The following DLG1 variants were observed in gnomAD, a reference collection of about 807,000 sequenced individuals.
DLG1 encodes the protein disks large homolog 1.
DLG1 carries 42 observed loss-of-function variants against 123.4 expected under a neutral mutation model. That is an observed-to-expected ratio of 0.34 (90% confidence interval 0.27 to 0.44). The LOEUF is 0.44. DLG1 is among the 20% of genes least tolerant of loss of function. DLG1 has a pLI of 1.00. For synonymous variants in DLG1, 317 were observed against 356.2 expected (o/e 0.89, Z 1.24); for missense variants, 942 against 1,082.6 (o/e 0.87, Z 1.82).
At chr3:197,051,780 G>C (rs1727910345) in intron 23 of DLG1, 112 bp from the exon 24 acceptor site, 2 of 715,824 alleles carry the variant, frequency 2.8e-6, no homozygotes, top group Admixed American at 5.8e-5. Flanking sequence ...GTTGAACTCT[G>C]CTGAAAATAT....
In DLG1 at chr3:197,043,995, G is replaced by C. The variant is rs1184985410; in HGVS notation, c.*628C>G. ...AAACATTGAAACGTTGTTATTCCTA[G>C]CAAATGTCCTGGGAAAAAAGAACCG... On this transcript the variant is annotated 3_prime_UTR_variant, in exon 25 of 25. Coordinates refer to ENST00000667157, the MANE Select transcript of DLG1 (RefSeq NM_001366207.1). 6.6e-6 allele frequency: 1 copy of C among 152,032 alleles called. No homozygotes were observed. The highest frequency in any genetic ancestry group is 1.5e-5 in the Non-Finnish European group (1 of 67,992). The allele number at this position is 152,032 out of a possible 1,614,324, so 9.4% of individuals were successfully genotyped here.
intron 22 of DLG1, among the ~76,000 whole-genome samples, chr3:197,061,766 G>A (rs1736000012): frequency 1.3e-5 from 2 of 151,962 alleles, no homozygotes. Context: ...ATATCTGGGA[G>A]GCGATATTAT....
In DLG1 at chr3:197,069,273, G is replaced by A; in HGVS notation, c.2006-13C>T. ...GAAGTTACATGCTCTGAAATTGCAG[G>A]ACAATGAAAAAAAATAAAACAGTGT... On this transcript the variant is annotated splice_polypyrimidine_tract_variant and intron_variant, in intron 18 of 24. Transcript: ENST00000667157. The A allele has an allele frequency of 1.3e-6, 2 of 1,567,534 alleles. No homozygotes were observed. The highest frequency in any genetic ancestry group is 8.7e-7 in the Non-Finnish European group (1 of 1,154,254).
Position 197,179,589 on chromosome 3 carries a change from A to C in DLG1, c.483+14836T>G, listed in dbSNP as rs13320481. On this transcript the variant is annotated intron_variant, in intron 5 of 24. Coordinates refer to ENST00000667157, the MANE Select transcript of DLG1 (RefSeq NM_001366207.1). ...TATCTGAATTTGTTCATATACTATTAGAGTTAAATGATATAAAAATAAGCT... is the reference window on the plus strand; with the variant it reads ...TATCTGAATTTGTTCATATACTATTCGAGTTAAATGATATAAAAATAAGCT... Among the ~76,000 whole-genome samples, 112 of 152,324 alleles carry C rather than the reference A, an allele frequency of 7.4e-4. 1 individual carries two copies. Among genetic ancestry groups the C allele is most frequent in the African/African-American group, 2.5e-3 (104 of 41,582 alleles).
intron 4 of DLG1, among the ~76,000 whole-genome samples, chr3:197,230,808 A>G (rs1286006697): frequency 6.6e-6 from 1 of 152,222 alleles, no homozygotes; most frequent in Non-Finnish European, 1.5e-5. Context: ...GTTACATCTC[A>G]AGACCAGAAG....
At chr3:197,064,431 GATCC>G (rs2148871218) in intron 22 of DLG1, among the ~76,000 whole-genome samples, 1 of 152,310 alleles carries the variant, frequency 6.6e-6, no homozygotes, top group South Asian at 2.1e-4. Context: ...AACCTCAGGT[GATCC>G]GCCTGCCTTG....
intron 11 of DLG1, among the ~76,000 whole-genome samples, chr3:197,119,845 A>G (rs551843641): frequency 5.3e-5 from 8 of 152,316 alleles, no homozygotes; most frequent in East Asian, 1.9e-4. Flanking sequence ...AGGCTTTCCA[A>G]TAAGTGCGAA....
At chr3:197,298,479 T>A in intron 1 of DLG1, 57 bp downstream of exon 1, 1 of 398,522 alleles carries the variant, frequency 2.5e-6, no homozygotes, top group Non-Finnish European at 4.4e-6. Flanking sequence ...CCGGGAAGGC[T>A]CGGGCTGTCT....
intron 4 of DLG1, among the ~76,000 whole-genome samples, chr3:197,218,044 T>C (rs931389646): frequency 2.0e-5 from 3 of 152,216 alleles, no homozygotes; most frequent in East Asian, 1.9e-4. Context: ...TTTATTCTTC[T>C]GTTATTTACA....
intron 4 of DLG1, among the ~76,000 whole-genome samples, chr3:197,224,857 A>C (rs1056634156): frequency 1.3e-5 from 2 of 152,228 alleles, no homozygotes; most frequent in African/African-American, 4.8e-5. Flanking sequence ...AAAGAAAAAA[A>C]AGTTCGATTC....
chr3:197,175,669 C>T (rs1806628389), intron 5 of DLG1, among the ~76,000 whole-genome samples: 1 of 152,156 alleles, frequency 6.6e-6, no homozygotes, highest in South Asian at 2.1e-4. Flanking sequence ...TTATCAAGTG[C>T]ATTCTCCATG....
Position 197,044,675 on chromosome 3 carries a change from A to G in DLG1, c.2630T>C (p.Ile877Thr). 3 of 1,610,934 alleles carry G rather than the reference A, an allele frequency of 1.9e-6. No homozygotes were observed. Among genetic ancestry groups the G allele is most frequent in the East Asian group, 4.5e-5 (2 of 44,662 alleles). The change falls in exon 25 of 25, where the codon ATA becomes ACA. Residue 877 changes from isoleucine (I) to threonine (T), a missense_variant. Transcript: ENST00000667157. ...GATGTAAGAACCAGATTGTTCTTCT[A>G]TGATCTGTTTCACTTGGTTGTAAAT... ...EDIYNQVKQIIEEQSGSYIWV... is the reference protein window; with the variant it reads ...EDIYNQVKQITEEQSGSYIWV...
intron 4 of DLG1, among the ~76,000 whole-genome samples, chr3:197,282,208 G>A (rs1024781445): frequency 2.0e-5 from 3 of 152,192 alleles, no homozygotes; most frequent in Admixed American, 2.0e-4. Flanking sequence ...CAGTGCTGAT[G>A]TTCAGGTTTA....
intron 19 of DLG1, chr3:197,068,502 CT>C: frequency 1.3e-6 from 2 of 1,576,352 alleles, no homozygotes; most frequent in Non-Finnish European, 8.6e-7. Flanking sequence ...CAGGATGGAC[CT>C]TTTGAGCAGC....
chr3:197,189,710 C>T (rs546827004), intron 5 of DLG1, among the ~76,000 whole-genome samples: 36 of 152,320 alleles, frequency 2.4e-4, no homozygotes, highest in Middle Eastern at 3.4e-3. Flanking sequence ...GGTTTTCAGA[C>T]GCTTCTCATA....
intron 22 of DLG1, among the ~76,000 whole-genome samples, chr3:197,064,206 T>C (rs1269306733): frequency 6.6e-6 from 1 of 150,976 alleles, no homozygotes; most frequent in Non-Finnish European, 1.5e-5. Context: ...TTTTTTTTTT[T>C]TTTTGAGGCA....
chr3:197,173,935 C>CA (rs201092729), intron 5 of DLG1, among the ~76,000 whole-genome samples: 1,558 of 152,246 alleles, frequency 0.01, 15 homozygotes, highest in Non-Finnish European at 0.017. Context: ...GAAACCCAGT[C>CA]AGTCAGGTAT....
intron 24 of DLG1, among the ~76,000 whole-genome samples, chr3:197,051,168 G>C (rs1727359679): frequency 6.6e-6 from 1 of 152,194 alleles, no homozygotes. Flanking sequence ...GAGGTCAGGA[G>C]TTCGAGACCA....
At chr3:197,207,905 T>C (rs904708295) in intron 4 of DLG1, among the ~76,000 whole-genome samples, 6 of 145,258 alleles carry the variant, frequency 4.1e-5, no homozygotes, top group African/African-American at 1.5e-4. Flanking sequence ...TATATAGCTG[T>C]AACATAATAC....
Sources: allele counts gnomAD v4.1 joint callset (sites outside exome capture counted in the v4.1 genomes callset), GRCh38; gene constraint gnomAD v4.1.1; transcripts MANE v1.5; gene names NCBI Gene and HGNC (gene_info 2026-07-23, HGNC 2026-07-21).